Variants in C11orf65 observed in about 807,000 individuals in gnomAD.
C11orf65 encodes protein MFI.
Under a neutral mutation model 35.3 loss-of-function variants are expected in C11orf65, and 38 were observed. That is an observed-to-expected ratio of 1.08 (90% confidence interval 0.83 to 1.41). The LOEUF (loss-of-function observed/expected upper bound fraction) is 1.41, where lower values mean the gene tolerates loss of function less well. C11orf65 is among the 40% of genes most tolerant of loss of function. C11orf65 has a pLI of 0.00. For missense variants in C11orf65, 370 were observed against 367.1 expected, an observed-to-expected ratio of 1.01 and a Z score of -0.06; for synonymous variants, 105 against 114.4, an observed-to-expected ratio of 0.92 and a Z score of 0.53.
chr11:108,453,703 T>C (rs1357765746), intron 2 of C11orf65, among the ~76,000 whole-genome samples: 2 of 152,224 alleles, frequency 1.3e-5, no homozygotes, highest in African/African-American at 4.8e-5. Context: ...TCTGTTAATG[T>C]GGTCATCGCA....
chr11:108,398,163 C>CA (rs1195155568), intron 6 of C11orf65, among the ~76,000 whole-genome samples: 1 of 152,048 alleles, frequency 6.6e-6, no homozygotes, highest in Non-Finnish European at 1.5e-5. Context: ...GTCTTAGAAA[C>CA]ATCAGTTTAG....
intron 6 of C11orf65, among the ~76,000 whole-genome samples, chr11:108,396,279 G>C (rs1565643329): frequency 6.6e-6 from 1 of 151,610 alleles, no homozygotes; most frequent in African/African-American, 2.4e-5. Flanking sequence ...TTTTAGTAGA[G>C]ATGGGGTTTC....
intron 2 of C11orf65, among the ~76,000 whole-genome samples, chr11:108,445,513 G>A (rs554937923): frequency 2.5e-4 from 38 of 152,284 alleles, no homozygotes; most frequent in Admixed American, 2.1e-3. Flanking sequence ...GGCAAACAGG[G>A]TCTGGAGTGG....
intron 3 of C11orf65, chr11:108,333,814 C>A: frequency 8.2e-7 from 1 of 1,213,316 alleles, no homozygotes; most frequent in Non-Finnish European, 1.2e-6. Flanking sequence ...GTGGTATCTG[C>A]TGACTATTCC....
At position 108,393,287 on chromosome 11, in the gene C11orf65, C is replaced by T. The variant is rs373114618; in HGVS notation, c.652G>A (p.Glu218Lys). The change falls in exon 7 of 9, where the codon GAA becomes AAA. Residue 218 changes from glutamate to lysine, a missense_variant. Coordinates refer to ENST00000393084, the MANE Select transcript of C11orf65 (RefSeq NM_152587.5). ...ATCACAGAATCTATCCCCCCATCTTCAAAAGCTCTAATCAGCCCCTTTGTT... is the reference window on the plus strand; with the variant it reads ...ATCACAGAATCTATCCCCCCATCTTTAAAAGCTCTAATCAGCCCCTTTGTT... Reference protein sequence around the residue: ...TATKGLIRAFEDGGIDSVMEW... With the variant: ...TATKGLIRAFKDGGIDSVMEW... The T allele has an allele frequency of 9.3e-6, 15 of 1,614,106 alleles. No homozygotes were observed. Among genetic ancestry groups the T allele is most frequent in the Non-Finnish European group, 1.3e-5 (15 of 1,179,996 alleles).
At chr11:108,410,174 T>C (rs1370427666) in intron 3 of C11orf65, among the ~76,000 whole-genome samples, 2 of 152,180 alleles carry the variant, frequency 1.3e-5, no homozygotes, top group Non-Finnish European at 2.9e-5. Context: ...CAGCAATATA[T>C]GAGTTCTGGT....
intron 3 of C11orf65, among the ~76,000 whole-genome samples, chr11:108,414,821 T>G (rs1029077085): frequency 1.3e-5 from 2 of 151,912 alleles, no homozygotes; most frequent in African/African-American, 4.8e-5. Context: ...CCTCAAAAAT[T>G]TAGTAAGTCA....
chr11:108,374,896 A>G (rs2091679942), intron 2 of C11orf65, among the ~76,000 whole-genome samples: 1 of 152,188 alleles, frequency 6.6e-6, no homozygotes, highest in South Asian at 2.1e-4. Flanking sequence ...AGCAATGGAA[A>G]ATGAAATGAA....
At chr11:108,414,816 A>G (rs765270234) in intron 3 of C11orf65, among the ~76,000 whole-genome samples, 4 of 152,112 alleles carry the variant, frequency 2.6e-5, no homozygotes, top group Non-Finnish European at 2.9e-5. Context: ...AAAATCCTCA[A>G]AAATTTAGTA....
At chr11:108,393,060 T>A in intron 7 of C11orf65, 148 bp downstream of exon 7, 1 of 825,306 alleles carries the variant, frequency 1.2e-6, no homozygotes, top group Non-Finnish European at 1.8e-6. Flanking sequence ...TGTCTTCTTC[T>A]GTTCTTTCTA....
intron 2 of C11orf65, among the ~76,000 whole-genome samples, chr11:108,369,373 G>A (rs1385368050): frequency 6.6e-6 from 1 of 152,088 alleles, no homozygotes; most frequent in East Asian, 1.9e-4. Flanking sequence ...CTTTCTTTGG[G>A]CCTAGAAAGT....
chr11:108,329,412 T>A, downstream of C11orf65: 1 of 662,162 alleles, frequency 1.5e-6, no homozygotes. Flanking sequence ...TTTTGTTTTT[T>A]GTTTTTTTTT....
intron 3 of C11orf65, among the ~76,000 whole-genome samples, chr11:108,427,893 G>A (rs1461799684): frequency 2.5e-5 from 3 of 121,968 alleles, no homozygotes; most frequent in Non-Finnish European, 5.1e-5. Flanking sequence ...TGCAGTGGCG[G>A]GATCTCGGCT....
At chr11:108,402,341 A>T (rs2092453873) in intron 6 of C11orf65, among the ~76,000 whole-genome samples, 1 of 152,186 alleles carries the variant, frequency 6.6e-6, no homozygotes, top group Non-Finnish European at 1.5e-5. Flanking sequence ...CAAATGTCCT[A>T]ATCCCAGGCC....
chr11:108,372,294 A>G (rs1288654079), intron 2 of C11orf65, among the ~76,000 whole-genome samples: 1 of 152,088 alleles, frequency 6.6e-6, no homozygotes, highest in Non-Finnish European at 1.5e-5. Context: ...CCCAGGTTCA[A>G]GCGATTCCCC....
At chr11:108,461,620 T>C in intron 1 of C11orf65, 52 bp from the exon 2 acceptor site, 1 of 1,165,804 alleles carries the variant, frequency 8.6e-7, no homozygotes, top group Non-Finnish European at 1.2e-6. Context: ...TAATTTACTT[T>C]CATTTTTATT....
intron 1 of C11orf65, among the ~76,000 whole-genome samples, chr11:108,465,684 T>A (rs571058592): frequency 6.8e-6 from 1 of 147,700 alleles, no homozygotes; most frequent in Non-Finnish European, 1.5e-5. Context: ...GGATTAAAGG[T>A]TTTTTTTTAA....
At chr11:108,438,417 G>T (rs1022642231) in intron 2 of C11orf65, among the ~76,000 whole-genome samples, 3 of 151,616 alleles carry the variant, frequency 2.0e-5, no homozygotes, top group African/African-American at 7.3e-5. Flanking sequence ...CTGGGCATGT[G>T]GCGCACTCCT....
chr11:108,385,449 G>A lies in C11orf65; in HGVS notation c.787+471C>T, dbSNP rs1337940371. ...TGTAATCCCAGCACTTTGGGAGGCCGAGGTAGTTGGATCACAAGGTCAGCA... is the reference window on the plus strand; with the variant it reads ...TGTAATCCCAGCACTTTGGGAGGCCAAGGTAGTTGGATCACAAGGTCAGCA... On this transcript the variant is annotated intron_variant, in intron 8 of 8. Coordinates refer to ENST00000393084, the MANE Select transcript of C11orf65 (RefSeq NM_152587.5). Among the ~76,000 whole-genome samples, 3 of 152,134 alleles carry A rather than the reference G, an allele frequency of 2.0e-5. No homozygotes were observed. The East Asian group carries it at 5.8e-4, about 29-fold the overall frequency.
Sources: gnomAD v4.1 joint callset for allele counts (sites outside exome capture counted in the v4.1 genomes callset) on GRCh38, gnomAD v4.1.1 for gene constraint, MANE v1.5 for transcripts, NCBI Gene and HGNC (gene_info 2026-07-23, HGNC 2026-07-21) for gene names.